The following SDAD1 variants were observed in gnomAD, a reference collection of about 807,000 sequenced individuals.
The protein encoded by SDAD1 is SDA1 domain containing 1.
A neutral mutation model predicts 100.3 loss-of-function variants in SDAD1; 79 were observed. The observed-to-expected ratio is 0.79, with a 90% CI of 0.66 to 0.95. SDAD1 has a LOEUF of 0.95. SDAD1 is among the 40% of genes least tolerant of loss of function. SDAD1 has a pLI of 0.00. For synonymous variants in SDAD1, 267 were observed against 271.4 expected (o/e 0.98, Z 0.16); for missense variants, 790 against 810.9 (o/e 0.97, Z 0.31).
In SDAD1 at chr4:75,962,402, G is replaced by C. The variant is rs28809567; in HGVS notation, c.1182-1094C>G. The stretch of plus-strand genomic sequence containing the variant: ...ACATCAGCATGATTTATAATCCTTC[G>C]GGTATATACCCAGTTATGGGATGGC... On this transcript the variant is annotated intron_variant, in intron 14 of 21. Transcript: ENST00000356260. Among the ~76,000 whole-genome samples, 309 of 152,204 alleles carry C rather than the reference G, an allele frequency of 2.0e-3. 3 individuals carry two copies. The highest frequency in any genetic ancestry group is 7.1e-3 in the African/African-American group (293 of 41,530).
chr4:75,990,911 T>G lies in SDAD1; in HGVS notation c.-70A>C. On this transcript the variant is annotated 5_prime_UTR_variant, in exon 1 of 22. Coordinates refer to ENST00000356260, the MANE Select transcript of SDAD1 (RefSeq NM_018115.4). ...CAGACGGCCGGCACCCCGCAATCCC[T>G]GCCAGCTGCAGCTTGGACTCGTGTT... 1.3e-6 allele frequency: 2 copies of G among 1,585,704 alleles called. No homozygotes were observed. The highest frequency in any genetic ancestry group is 2.2e-5 in the South Asian group (2 of 90,206).
intron 4 of SDAD1, among the ~76,000 whole-genome samples, chr4:75,977,285 A>T (rs2149325239): frequency 1.3e-5 from 2 of 152,302 alleles, no homozygotes; most frequent in South Asian, 4.1e-4. Flanking sequence ...GGGTTCTGGA[A>T]CCAGAGCCTG....
chr4:75,957,243 T>C (rs1728948233), intron 20 of SDAD1, 82 bp downstream of exon 20: 1 of 1,162,228 alleles, frequency 8.6e-7, no homozygotes, highest in South Asian at 1.4e-5. Flanking sequence ...AAAATTGCCA[T>C]TCTGTGGCTA....
chr4:75,978,032 G>A (rs1234616497), intron 3 of SDAD1, among the ~76,000 whole-genome samples: 1 of 152,102 alleles, frequency 6.6e-6, no homozygotes, highest in Non-Finnish European at 1.5e-5. Flanking sequence ...GTGACTGAGG[G>A]AGGGCCACAG....
In SDAD1 at chr4:75,967,288, G is replaced by A. The variant is rs189684441; in HGVS notation, c.1034C>T (p.Pro345Leu). Residue 345 changes from proline to leucine, a missense_variant, in exon 12 of 22, where the codon CCC (proline) becomes CTC (leucine). Physicochemically the swap from Pro to Leu is moderately conservative, Grantham distance 98. Coordinates refer to ENST00000356260, the MANE Select transcript of SDAD1 (RefSeq NM_018115.4). ...FYPFLQRFLQ[P>L]HQREVTKILL... ...AAGTGGCAGCTTACCTCTTTGGTGG[G>A]GCTGCAGAAACCTTTGCAAAAAGGG... The A allele has an allele frequency of 1.9e-6, 3 of 1,613,902 alleles. No homozygotes were observed. Among genetic ancestry groups the A allele is most frequent in the Non-Finnish European group, 2.5e-6 (3 of 1,179,978 alleles).
At chr4:75,977,602 T>C (rs1730223930) in intron 4 of SDAD1, 44 bp downstream of exon 4, 1 of 1,208,388 alleles carries the variant, frequency 8.3e-7, no homozygotes, top group Non-Finnish European at 1.2e-6. Flanking sequence ...AAATTTTATG[T>C]CGCCTCAAGG....
At chr4:75,965,938 G>A (rs905658647) in intron 12 of SDAD1, 116 bp from the exon 13 acceptor site, 7 of 773,780 alleles carry the variant, frequency 9.0e-6, no homozygotes, top group South Asian at 6.6e-5. Context: ...TATTCCACCT[G>A]GAACACTCAA....
intron 8 of SDAD1, among the ~76,000 whole-genome samples, chr4:75,971,815 T>A (rs1336835412): frequency 6.6e-6 from 1 of 151,986 alleles, no homozygotes; most frequent in African/African-American, 2.4e-5. Flanking sequence ...GAAGTTACAG[T>A]GAGCTGAGAT....
intron 11 of SDAD1, among the ~76,000 whole-genome samples, chr4:75,968,051 C>T (rs1204186285): frequency 6.6e-6 from 1 of 152,172 alleles, no homozygotes; most frequent in African/African-American, 2.4e-5. Context: ...GGATGGGCCA[C>T]TGAGAAGTTG....
chr4:75,981,862 A>T, intron 2 of SDAD1, 71 bp downstream of exon 2: 5 of 1,056,960 alleles, frequency 4.7e-6, no homozygotes, highest in Non-Finnish European at 7.1e-6. Context: ...AATAAGGTTG[A>T]GTATTAGTGA....
chr4:75,961,001 A>G, intron 16 of SDAD1, 27 bp downstream of exon 16: 1 of 1,595,714 alleles, frequency 6.3e-7, no homozygotes, highest in South Asian at 1.1e-5. Flanking sequence ...CATAACCTTT[A>G]GACCAACATA....
At position 75,971,392 on chromosome 4, in the gene SDAD1, T is replaced by C; in HGVS notation, c.778A>G (p.Lys260Glu). 6.2e-7 allele frequency: 1 copy of C among 1,614,156 alleles called. No homozygotes were observed. Among genetic ancestry groups the C allele is most frequent in the Non-Finnish European group, 8.5e-7 (1 of 1,180,004 alleles). ...YATGKKSSKN[K>E]KKLEKAMKVL... ...TTCATTGCCTTTTCCAACTTTTTCTTGTTTTTGGAACTTTTCTTCCCTGTA... is the reference window on the plus strand; with the variant it reads ...TTCATTGCCTTTTCCAACTTTTTCTCGTTTTTGGAACTTTTCTTCCCTGTA... The change falls in exon 9 of 22, where the codon AAG becomes GAG. Residue 260 changes from lysine to glutamate, a missense_variant. By Grantham distance (56) the Lys-to-Glu change is moderately conservative (BLOSUM62 1). Transcript: ENST00000356260.
At chr4:75,955,952 C>CTGTAGT in intron 21 of SDAD1, 23 bp downstream of exon 21, 1 of 1,579,816 alleles carries the variant, frequency 6.3e-7, no homozygotes. Context: ...GTTCTTGCCA[C>CTGTAGT]CCAAGCTTCA....
At chr4:75,952,957 A>C (rs1728696336) in intron 21 of SDAD1, among the ~76,000 whole-genome samples, 1 of 152,216 alleles carries the variant, frequency 6.6e-6, no homozygotes, top group Non-Finnish European at 1.5e-5. Context: ...TTTTTAAGTG[A>C]TATATGTGGT....
At chr4:75,969,957 G>C (rs951189759) in intron 10 of SDAD1, among the ~76,000 whole-genome samples, 4 of 151,390 alleles carry the variant, frequency 2.6e-5, no homozygotes, top group Non-Finnish European at 4.4e-5. Context: ...CTCGAACAAG[G>C]TTTCCCAGAT....
intron 16 of SDAD1, among the ~76,000 whole-genome samples, chr4:75,960,658 T>C (rs2149312150): frequency 6.6e-6 from 1 of 152,324 alleles, no homozygotes; most frequent in East Asian, 1.9e-4. Context: ...CTCTTTCTGT[T>C]ACATACATGC....
Position 75,957,262 on chromosome 4 carries a change from C to A in SDAD1, c.1854+63G>T, listed in dbSNP as rs967446471. 3 of 1,395,944 alleles carry A rather than the reference C, an allele frequency of 2.1e-6. No individual in the cohort carries two copies. The Admixed American group carries it at 5.8e-5, about 27-fold the overall frequency. The allele number at this position is 1,395,944 out of a possible 1,614,324, so 86.5% of individuals were successfully genotyped here. A position where few individuals can be genotyped will look rare whatever the true frequency, so the allele number is the denominator to read the frequency against. ...TTGCCATTCTGTGGCTATACAAGTT[C>A]TGGCTTATGTTTCATTTTATTTGCT... On this transcript the variant is annotated intron_variant, in intron 20 of 21. Coordinates refer to ENST00000356260, the MANE Select transcript of SDAD1 (RefSeq NM_018115.4).
intron 1 of SDAD1, among the ~76,000 whole-genome samples, chr4:75,983,174 T>G (rs1445634117): frequency 6.6e-6 from 1 of 152,266 alleles, no homozygotes; most frequent in East Asian, 1.9e-4. Flanking sequence ...TGCCATATTT[T>G]CTTTATCTAG....
chr4:75,973,758 A>G (rs1487255896), intron 7 of SDAD1, among the ~76,000 whole-genome samples: 2 of 152,144 alleles, frequency 1.3e-5, no homozygotes, highest in Admixed American at 1.3e-4. Context: ...CACAGGAGAA[A>G]ACAGTAAAAA....
Sources: gnomAD v4.1 joint callset for allele counts (sites outside exome capture counted in the v4.1 genomes callset) on GRCh38, gnomAD v4.1.1 for gene constraint, MANE v1.5 for transcripts, NCBI Gene and HGNC (gene_info 2026-07-23, HGNC 2026-07-21) for gene names.